TRPM3: variants seen among roughly 807,000 people sequenced by gnomAD.
The protein encoded by TRPM3 is long transient receptor potential channel 3.
In TRPM3, 77 loss-of-function variants were observed where a neutral mutation model predicts 181.2. The ratio of observed to expected loss-of-function variants is 0.42; its 90% CI spans 0.35 to 0.51. The LOEUF (loss-of-function observed/expected upper bound fraction) is 0.51. Ranked by LOEUF, TRPM3 falls within the 20% of genes least tolerant of loss-of-function variation. TRPM3 has a pLI of 0.01. For synonymous variants in TRPM3, 745 were observed against 796.4 expected (o/e 0.94, Z 1.09); for missense variants, 1,759 against 2,196.7 (o/e 0.80, Z 3.98).
chr9:71,264,400 T>A (rs1292917397), intron 1 of TRPM3, among the ~76,000 whole-genome samples: 1 of 152,102 alleles, frequency 6.6e-6, no homozygotes, highest in Non-Finnish European at 1.5e-5. Flanking sequence ...ATATACAAAA[T>A]TTTCATTTAT....
At chr9:71,082,327 C>T (rs925948581) in intron 1 of TRPM3, among the ~76,000 whole-genome samples, 10 of 152,114 alleles carry the variant, frequency 6.6e-5, no homozygotes, top group African/African-American at 2.4e-4. Flanking sequence ...AGTTAGGAAA[C>T]ACTTCTCATG....
At chr9:71,096,762 C>T (rs933365573) in intron 1 of TRPM3, among the ~76,000 whole-genome samples, 1 of 152,030 alleles carries the variant, frequency 6.6e-6, no homozygotes. Flanking sequence ...ACATTAACTT[C>T]CACATCCACT....
Position 70,536,972 on chromosome 9 carries a change from T to G in TRPM3, c.4141A>C (p.Ser1381Arg). The G allele has an allele frequency of 6.2e-7, 1 of 1,613,662 alleles. No homozygotes were observed. Among genetic ancestry groups the G allele is most frequent in the Non-Finnish European group, 8.5e-7 (1 of 1,179,580 alleles). ...GGTTCTTTTGCTACAGAGTGGGAACTAGTAGCCCGGTGTAGGCTCAGGGAC... is the reference window on the plus strand; with the variant it reads ...GGTTCTTTTGCTACAGAGTGGGAACGAGTAGCCCGGTGTAGGCTCAGGGAC... The part of the protein sequence containing the change: ...ERSLSLHRAT[S>R]SHSVAKEPKA... The change falls in exon 26 of 26, where the codon AGT (serine) becomes CGT (arginine). Residue 1381 changes from serine to arginine, a missense_variant. Transcript: ENST00000677713.
chr9:71,129,513 C>T (rs1247106226), intron 1 of TRPM3, among the ~76,000 whole-genome samples: 1 of 152,052 alleles, frequency 6.6e-6, no homozygotes, highest in Non-Finnish European at 1.5e-5. Flanking sequence ...CATAACAAAC[C>T]TGTAAAGTCT....
chr9:70,812,454 T>C (rs1366040093), intron 6 of TRPM3, among the ~76,000 whole-genome samples: 1 of 152,206 alleles, frequency 6.6e-6, no homozygotes, highest in Non-Finnish European at 1.5e-5. Context: ...TAAGGGTTGG[T>C]TCCTCTGGAT....
In TRPM3 at chr9:70,846,483, G is replaced by T; in HGVS notation, c.571C>A (p.Gln191Lys). ...AGTTTTGGCTGGAGTTCAAAGTTCT[G>T]CAGGCCCCCATGGACAGAGATGAGA... is the stretch of plus-strand genomic sequence containing the variant. ...KLLISVHGGLQNFELQPKLKQ... is the reference protein window; with the variant it reads ...KLLISVHGGLKNFELQPKLKQ... The change falls in exon 4 of 26, where the codon CAG (glutamine) becomes AAG (lysine). Residue 191 changes from glutamine (Q) to lysine (K), a missense_variant. Coordinates refer to ENST00000677713, the MANE Select transcript of TRPM3 (RefSeq NM_001366145.2). The T allele has an allele frequency of 6.2e-7, 1 of 1,614,082 alleles. No individual in the cohort carries two copies. Among genetic ancestry groups the T allele is most frequent in the Non-Finnish European group, 8.5e-7 (1 of 1,180,002 alleles).
intron 1 of TRPM3, among the ~76,000 whole-genome samples, chr9:70,971,673 T>C (rs1279010125): frequency 1.3e-5 from 2 of 152,172 alleles, no homozygotes; most frequent in African/African-American, 4.8e-5. Context: ...GTATTTTGGT[T>C]CTTAGGAACC....
At chr9:70,553,989 C>A (rs1229359171) in intron 22 of TRPM3, among the ~76,000 whole-genome samples, 2 of 151,330 alleles carry the variant, frequency 1.3e-5, no homozygotes, top group Admixed American at 1.3e-4. Context: ...GTTCTTCCAG[C>A]AGCATTTCCA....
At chr9:71,324,478 A>G (rs2089498436) in intron 1 of TRPM3, among the ~76,000 whole-genome samples, 1 of 152,022 alleles carries the variant, frequency 6.6e-6, no homozygotes, top group Non-Finnish European at 1.5e-5. Flanking sequence ...AAATTTTGAT[A>G]AGGATGCAGA....
At chr9:70,578,405 A>C (rs1252763910) in intron 22 of TRPM3, among the ~76,000 whole-genome samples, 1 of 152,006 alleles carries the variant, frequency 6.6e-6, no homozygotes, top group Non-Finnish European at 1.5e-5. Context: ...ATATTTGTAA[A>C]TTCTAAATCA....
chr9:71,214,143 A>G lies in TRPM3; in HGVS notation c.183+232510T>C, dbSNP rs1451915579. Among the ~76,000 whole-genome samples, 7 of 152,298 alleles carry G rather than the reference A, an allele frequency of 4.6e-5. No homozygotes were observed. The East Asian group carries it at 1.3e-3, about 29-fold the overall frequency. On this transcript the variant is annotated intron_variant, in intron 1 of 24. Transcript: ENST00000357533. ...GTCTTTGTTGGAGAAAAATGCCTCC[A>G]ACTCATTTGACATTAATAAACAAGG...
chr9:70,755,824 C>T (rs1009211133), intron 8 of TRPM3, among the ~76,000 whole-genome samples: 24 of 152,138 alleles, frequency 1.6e-4, no homozygotes, highest in African/African-American at 4.3e-4. Flanking sequence ...CTGAAGGAGG[C>T]GCTAAATATG....
At chr9:70,680,092 T>C (rs537401719) in intron 9 of TRPM3, among the ~76,000 whole-genome samples, 63 of 152,304 alleles carry the variant, frequency 4.1e-4, no homozygotes, top group African/African-American at 1.5e-3. Context: ...TGTGCATATA[T>C]ACACTTGGAG....
chr9:71,375,093 T>C (rs1299769814), intron 1 of TRPM3, among the ~76,000 whole-genome samples: 2 of 152,094 alleles, frequency 1.3e-5, no homozygotes. Context: ...AAAAACTATT[T>C]TAATATTCAT....
intron 1 of TRPM3, among the ~76,000 whole-genome samples, chr9:71,064,945 G>A (rs575136205): frequency 6.6e-6 from 1 of 152,220 alleles, no homozygotes; most frequent in Non-Finnish European, 1.5e-5. Context: ...TATTCAAAAA[G>A]TTGAATTAAT....
In TRPM3 at chr9:71,268,462, C is replaced by CT. The variant is rs1189451897; in HGVS notation, c.183+178190dup. ...TGAGTTGAATGATAAAATTAAACAA[C>CT]TATAGTACTTAGAACACAATGCTCT... On this transcript the variant is annotated intron_variant, in intron 1 of 24. Transcript: ENST00000357533. 2.0e-5 allele frequency among the ~76,000 whole-genome samples: 3 copies of CT among 151,998 alleles called. No homozygotes were observed. The East Asian group carries it at 5.8e-4, about 29-fold the overall frequency.
chr9:70,592,920 T>C (rs1374785035), intron 21 of TRPM3, among the ~76,000 whole-genome samples: 1 of 152,016 alleles, frequency 6.6e-6, no homozygotes, highest in East Asian at 1.9e-4. Context: ...TTAATAGAGA[T>C]GGGGTTTCAC....
intron 1 of TRPM3, among the ~76,000 whole-genome samples, chr9:71,412,644 T>A (rs958368499): frequency 5.9e-5 from 9 of 152,132 alleles, no homozygotes; most frequent in Non-Finnish European, 1.3e-4. Context: ...TTTTACACTG[T>A]TTGTGGAGAT....
At chr9:71,446,414 G>A (rs2094204427) in intron 1 of TRPM3, among the ~76,000 whole-genome samples, 1 of 152,134 alleles carries the variant, frequency 6.6e-6, no homozygotes, top group South Asian at 2.1e-4. Context: ...TCTCGAACAT[G>A]TTTTCAATTT....
Sources: gnomAD v4.1 joint callset for allele counts (sites outside exome capture counted in the v4.1 genomes callset) on GRCh38, gnomAD v4.1.1 for gene constraint, MANE v1.5 for transcripts, NCBI Gene and HGNC (gene_info 2026-07-23, HGNC 2026-07-21) for gene names.